The following MIB1 variants were observed in gnomAD, a reference collection of about 807,000 sequenced individuals.
MIB1 encodes the protein MIB E3 ubiquitin protein ligase 1, also known as E3 ubiquitin-protein ligase MIB1.
In MIB1, 278 loss-of-function variants were observed where a neutral mutation model predicts 124.5. The ratio of observed to expected loss-of-function variants is 2.23; its 90% CI spans 2.02 to 2.47. The LOEUF (loss-of-function observed/expected upper bound fraction) is 2.47, where lower values mean the gene tolerates loss of function less well. Ranked by LOEUF, MIB1 falls within the 30% of genes most tolerant of loss-of-function variation. MIB1 has a pLI of 0.00. For synonymous variants in MIB1, 446 were observed against 429.4 expected (o/e 1.04, Z -0.48); for missense variants, 957 against 1,254.4 (o/e 0.76, Z 3.58).
intron 20 of MIB1, among the ~76,000 whole-genome samples, chr18:21,863,276 C>T (rs2042292473): frequency 6.6e-6 from 1 of 152,218 alleles, no homozygotes. Context: ...TGGCCCCTTG[C>T]CTCATAGTGT....
intron 6 of MIB1, among the ~76,000 whole-genome samples, chr18:21,787,897 A>G (rs2041455360): frequency 6.6e-6 from 1 of 151,782 alleles, no homozygotes; most frequent in South Asian, 2.1e-4. Flanking sequence ...TTCCTCACTT[A>G]TGTACCTTTT....
At chr18:21,766,115 A>G (rs918672443) in intron 2 of MIB1, among the ~76,000 whole-genome samples, 172 bp downstream of exon 2, 2 of 152,206 alleles carry the variant, frequency 1.3e-5, no homozygotes, top group Non-Finnish European at 2.9e-5. Flanking sequence ...ACAAGAGAAG[A>G]GCTCTTTGAA....
chr18:21,766,484 A>T (rs766901299), intron 2 of MIB1, among the ~76,000 whole-genome samples: 10 of 152,174 alleles, frequency 6.6e-5, no homozygotes, highest in Non-Finnish European at 1.5e-4. Context: ...AGGAGCAAGG[A>T]GAGAGGAGTA....
chr18:21,847,285 T>G (rs2042143363), intron 16 of MIB1, among the ~76,000 whole-genome samples, 160 bp downstream of exon 16: 1 of 152,160 alleles, frequency 6.6e-6, no homozygotes, highest in Non-Finnish European at 1.5e-5. Flanking sequence ...CCTTGAAAAT[T>G]TTTCTGCAGG....
chr18:21,857,233 T>G lies in MIB1; in HGVS notation c.2769T>G (p.Thr923=), dbSNP rs1369492821. 6.2e-7 allele frequency: 1 copy of G among 1,610,746 alleles called. No individual in the cohort carries two copies. Among genetic ancestry groups the G allele is most frequent in the South Asian group, 1.1e-5 (1 of 91,024 alleles). ...CCGGKSSEDA[T]DDISSGNIPV... The stretch of plus-strand genomic sequence containing the variant: ...GAGGGAAAAGTTCAGAAGATGCCAC[T>G]GATGATATCTGTAAGTCGATTGTCT... Residue 923 remains threonine (T), a synonymous_variant, in exon 19 of 21, where the codon ACT becomes ACG. Transcript: ENST00000261537.
intron 7 of MIB1, among the ~76,000 whole-genome samples, chr18:21,796,875 A>G (rs1189881854): frequency 6.6e-6 from 1 of 152,220 alleles, no homozygotes; most frequent in Non-Finnish European, 1.5e-5. Flanking sequence ...AGGGCTGACG[A>G]GTTATTAAAA....
At chr18:21,846,799 T>G in intron 15 of MIB1, 145 bp from the exon 16 acceptor site, 1 of 715,630 alleles carries the variant, frequency 1.4e-6, no homozygotes, top group Non-Finnish European at 2.3e-6. Context: ...TGTGTATGCT[T>G]GAGAAAACCA....
intron 1 of MIB1, among the ~76,000 whole-genome samples, chr18:21,721,163 T>G (rs201496372): frequency 0.023 from 1,690 of 73,544 alleles, 10 homozygotes; most frequent in African/African-American, 0.087. Flanking sequence ...AAAGAAGTTT[T>G]TTTTTTTTTT....
At chr18:21,711,293 A>T (rs2040664509) in intron 1 of MIB1, among the ~76,000 whole-genome samples, 2 of 151,588 alleles carry the variant, frequency 1.3e-5, no homozygotes, top group African/African-American at 4.8e-5. Context: ...TTTTATTTTT[A>T]TTTTTTGAAA....
At chr18:21,814,302 C>T (rs1001569633) in intron 10 of MIB1, among the ~76,000 whole-genome samples, 1 of 150,144 alleles carries the variant, frequency 6.7e-6, no homozygotes, top group African/African-American at 2.4e-5. Flanking sequence ...AATGTATGCT[C>T]ATCACTTAAC....
At chr18:21,811,376 C>T (rs2041771657) in intron 10 of MIB1, among the ~76,000 whole-genome samples, 1 of 152,048 alleles carries the variant, frequency 6.6e-6, no homozygotes, top group African/African-American at 2.4e-5. Context: ...AATATATATC[C>T]CAAAGATTGG....
chr18:21,836,491 A>C (rs2042034223), intron 12 of MIB1, among the ~76,000 whole-genome samples: 2 of 151,662 alleles, frequency 1.3e-5, no homozygotes, highest in Admixed American at 1.3e-4. Flanking sequence ...ATCCCTCCTT[A>C]CCCCTTTTTT....
At chr18:21,850,980 G>T (rs1030744865) in intron 17 of MIB1, among the ~76,000 whole-genome samples, 2 of 152,094 alleles carry the variant, frequency 1.3e-5, no homozygotes, top group African/African-American at 4.8e-5. Context: ...AGACAAAGAT[G>T]TATATAATAA....
Position 21,869,564 on chromosome 18 carries a change from G to C in MIB1, c.*4898G>C, listed in dbSNP as rs1475071715. ...ATGATTCTGCATGTGTGCTGGGTTT[G>C]GGTAATTCTTTAAAGGAAGTTTTCT... On this transcript the variant is annotated 3_prime_UTR_variant, in exon 21 of 21. Coordinates refer to ENST00000261537, the MANE Select transcript of MIB1 (RefSeq NM_020774.4). The C allele has an allele frequency of 6.6e-6, 1 of 152,394 alleles. No homozygotes were observed. Among genetic ancestry groups the C allele is most frequent in the African/African-American group, 2.4e-5 (1 of 41,402 alleles). The allele number at this position is 152,394 out of a possible 1,614,324, so 9.4% of individuals were successfully genotyped here. A position where few individuals can be genotyped will look rare whatever the true frequency, so the allele number is the denominator to read the frequency against.
At chr18:21,730,106 A>G (rs1031599999) in intron 1 of MIB1, among the ~76,000 whole-genome samples, 8 of 152,158 alleles carry the variant, frequency 5.3e-5, no homozygotes, top group East Asian at 1.9e-4. Flanking sequence ...TCATTCTTCA[A>G]TCTATTTATT....
At chr18:21,750,336 T>C (rs562164706) in intron 1 of MIB1, among the ~76,000 whole-genome samples, 1 of 151,936 alleles carries the variant, frequency 6.6e-6, no homozygotes, top group East Asian at 1.9e-4. Context: ...ATTTTATTTT[T>C]ATTTTTTTTG....
Position 21,867,821 on chromosome 18 carries a change from ACT to A in MIB1, c.*3158_*3159del, listed in dbSNP as rs963206185. On this transcript the variant is annotated 3_prime_UTR_variant, in exon 21 of 21. Coordinates refer to ENST00000261537, the MANE Select transcript of MIB1 (RefSeq NM_020774.4). The stretch of plus-strand genomic sequence containing the variant: ...TGTGTTGCCCAATTGCTGTTTGTCC[ACT>A]CTGAATTCTGGACCCTTTTTGGACT... The A allele has an allele frequency of 6.6e-6, 1 of 152,458 alleles. No individual in the cohort carries two copies. The highest frequency in any genetic ancestry group is 1.5e-5 in the Non-Finnish European group (1 of 67,946). 9.4% of individuals were successfully genotyped at this position (152,458 alleles called of 1,614,324 possible). A position where few individuals can be genotyped will look rare whatever the true frequency, so the allele number is the denominator to read the frequency against.
intron 1 of MIB1, among the ~76,000 whole-genome samples, chr18:21,763,118 T>C (rs1434059571): frequency 1.3e-5 from 2 of 151,968 alleles, no homozygotes; most frequent in Non-Finnish European, 2.9e-5. Flanking sequence ...TTTCTAACAA[T>C]TTAGCCTCAC....
At chr18:21,721,175 T>G (rs1436340595) in intron 1 of MIB1, among the ~76,000 whole-genome samples, 7 of 107,602 alleles carry the variant, frequency 6.5e-5, no homozygotes, top group African/African-American at 2.0e-4. Flanking sequence ...TTTTTTTTTT[T>G]TTTTTTTTTT....
Sources: gnomAD v4.1 joint callset for allele counts (sites outside exome capture counted in the v4.1 genomes callset) on GRCh38, gnomAD v4.1.1 for gene constraint, MANE v1.5 for transcripts, NCBI Gene and HGNC (gene_info 2026-07-23, HGNC 2026-07-21) for gene names.